Variants in CD99L2 observed in about 807,000 individuals in gnomAD.
CD99L2 encodes the protein CD99 molecule like 2.
CD99L2 carries 24 observed loss-of-function variants against 27.3 expected under a neutral mutation model. That is an observed-to-expected ratio of 0.88 (90% CI 0.64 to 1.24). CD99L2 has a LOEUF of 1.24. CD99L2 is among the 50% of genes most tolerant of loss of function. CD99L2 has a pLI of 0.00. For missense variants in CD99L2, 255 were observed against 221.6 expected (o/e 1.15, Z -0.96); for synonymous variants, 97 against 87.9 (o/e 1.10, Z -0.58).
chrX:150,769,040 C>A lies in CD99L2; in HGVS notation c.783G>T (p.Arg261=). Residue 261 remains arginine (R), a synonymous_variant, in exon 11 of 11, where the codon CGG becomes CGT. Transcript: ENST00000370377. ...CTGCAGCTGGACAGGGCCCTCAGAT[C>A]CGGGCTGGTTCGGGCGGCGGCGGCG... ...AEPPPPPEPA[R]I The A allele has an allele frequency of 8.7e-7, 1 of 1,151,132 alleles. No individual in the cohort carries two copies. Among genetic ancestry groups the A allele is most frequent in the Non-Finnish European group, 1.1e-6 (1 of 874,129 alleles). 94.9% of individuals were successfully genotyped at this position (1,151,132 alleles called of 1,213,427 possible).
chrX:150,802,757 A>G (rs1422382544), intron 4 of CD99L2, among the ~76,000 whole-genome samples: 1 of 98,392 alleles, frequency 1.0e-5, no homozygotes, highest in African/African-American at 3.7e-5. Flanking sequence ...AATTTTTTGT[A>G]TTTTTAGTAG....
chrX:150,844,682 C>T (rs1413225754), intron 1 of CD99L2, among the ~76,000 whole-genome samples: 3 of 112,248 alleles, frequency 2.7e-5, no homozygotes, highest in Non-Finnish European at 5.6e-5. Flanking sequence ...ATTCTGATTA[C>T]TAAATGGATT....
chrX:150,806,961 A>G (rs1166129556), intron 4 of CD99L2, among the ~76,000 whole-genome samples: 4 of 111,684 alleles, frequency 3.6e-5, no homozygotes, highest in Admixed American at 9.5e-5. Context: ...TTTCCAGAGA[A>G]CTAAAGCTTG....
chrX:150,791,487 G>A lies in CD99L2; in HGVS notation c.496+2204C>T, dbSNP rs782189151. On this transcript the variant is annotated intron_variant, in intron 7 of 10. Coordinates refer to ENST00000370377, the MANE Select transcript of CD99L2 (RefSeq NM_031462.4). ...GAGAAAGGGCCCAGGAGGAAAGAATGTTAAGGAGAAGGTGATCATCAAAGT... is the reference window on the plus strand; with the variant it reads ...GAGAAAGGGCCCAGGAGGAAAGAATATTAAGGAGAAGGTGATCATCAAAGT... 2.7e-5 allele frequency among the ~76,000 whole-genome samples: 3 copies of A among 111,364 alleles called. No homozygotes were observed. The South Asian group carries it at 1.2e-3, about 43-fold the overall frequency.
chrX:150,853,975 A>G (rs1557421670), intron 1 of CD99L2, among the ~76,000 whole-genome samples: 1 of 111,968 alleles, frequency 8.9e-6, no homozygotes, highest in South Asian at 3.8e-4. Context: ...GAGAATGGCT[A>G]ATGAGCTATG....
At chrX:150,771,200 G>A (rs1454669584) in intron 9 of CD99L2, among the ~76,000 whole-genome samples, 2 of 112,439 alleles carry the variant, frequency 1.8e-5, no homozygotes, top group East Asian at 5.6e-4. Flanking sequence ...CGACCGACCA[G>A]GCACCAGTGC....
At chrX:150,861,905 CAAA>C (rs1344952307) in intron 1 of CD99L2, among the ~76,000 whole-genome samples, 1 of 82,767 alleles carries the variant, frequency 1.2e-5, no homozygotes, top group Non-Finnish European at 2.4e-5. Context: ...GACTCTTTCT[CAAA>C]AAAAAAAAAA....
chrX:150,779,340 A>G (rs1441443629), intron 7 of CD99L2, among the ~76,000 whole-genome samples: 2 of 112,168 alleles, frequency 1.8e-5, no homozygotes, highest in Admixed American at 1.9e-4. Flanking sequence ...CTGTCCTAAA[A>G]AGATGACAAA....
chrX:150,769,266 G>C (rs1182772922), intron 10 of CD99L2, among the ~76,000 whole-genome samples, 165 bp from the exon 11 acceptor site: 1 of 112,239 alleles, frequency 8.9e-6, no homozygotes, highest in Non-Finnish European at 1.9e-5. Flanking sequence ...TTTTGGGCCG[G>C]TCAAGGGGAG....
intron 4 of CD99L2, among the ~76,000 whole-genome samples, chrX:150,802,989 G>A (rs1042122416): frequency 4.1e-5 from 4 of 96,805 alleles, no homozygotes; most frequent in Non-Finnish European, 6.1e-5. Context: ...TCCACCTCCC[G>A]GGTTCAAGCA....
At chrX:150,811,075 C>T (rs1557420347) in intron 4 of CD99L2, among the ~76,000 whole-genome samples, 2 of 111,578 alleles carry the variant, frequency 1.8e-5, no homozygotes, top group African/African-American at 3.3e-5. Context: ...TGAAACTCAC[C>T]AATAAAAACA....
intron 7 of CD99L2, among the ~76,000 whole-genome samples, chrX:150,792,674 C>T (rs1194871675): frequency 3.6e-5 from 4 of 111,962 alleles, no homozygotes; most frequent in African/African-American, 6.5e-5. Flanking sequence ...CACTTATAAC[C>T]GGGTGTAACA....
In CD99L2 at chrX:150,835,403, G is replaced by A. The variant is rs782683614; in HGVS notation, c.68-4110C>T. ...TTATTAGCCCGGCATGGTGGTGCAC[G>A]CCTGTAGTCCCAATTACTTGGAAGG... On this transcript the variant is annotated intron_variant, in intron 1 of 10. Coordinates refer to ENST00000370377, the MANE Select transcript of CD99L2 (RefSeq NM_031462.4). Among the ~76,000 whole-genome samples the A allele has an allele frequency of 6.3e-5, 7 of 111,663 alleles. No homozygotes were observed. In the East Asian group the frequency reaches 1.1e-3, roughly 18 times the overall value.
intron 1 of CD99L2, among the ~76,000 whole-genome samples, chrX:150,882,383 T>C (rs1229019337): frequency 2.7e-5 from 3 of 112,442 alleles, no homozygotes; most frequent in Non-Finnish European, 5.6e-5. Context: ...TTTAATGAAA[T>C]GTCATTTATA....
At chrX:150,821,332 T>C (rs1196861242) in intron 2 of CD99L2, among the ~76,000 whole-genome samples, 2 of 112,365 alleles carry the variant, frequency 1.8e-5, no homozygotes, top group South Asian at 3.7e-4. Context: ...ATCAATGTTA[T>C]AGGATTGAGA....
At chrX:150,853,915 G>A (rs2046830665) in intron 1 of CD99L2, among the ~76,000 whole-genome samples, 1 of 112,068 alleles carries the variant, frequency 8.9e-6, no homozygotes, top group Non-Finnish European at 1.9e-5. Flanking sequence ...ATGCCTGAGA[G>A]ATGTTCCAGT....
chrX:150,878,319 C>T (rs1303401835), intron 1 of CD99L2, among the ~76,000 whole-genome samples: 1 of 102,171 alleles, frequency 9.8e-6, no homozygotes, highest in Non-Finnish European at 2.0e-5. Context: ...GCCTGGGCAA[C>T]AAGGGCAAAA....
intron 2 of CD99L2, among the ~76,000 whole-genome samples, chrX:150,824,375 AAGAAGAAAGAAG>A (rs1173477197): frequency 4.6e-4 from 44 of 94,625 alleles, no homozygotes; most frequent in Middle Eastern, 0.012. Context: ...GAAGAAGAAG[AAGAAGAAAGAAG>A]AAGAAGAAGA....
At chrX:150,882,126 A>G (rs551255803) in intron 1 of CD99L2, among the ~76,000 whole-genome samples, 1 of 110,647 alleles carries the variant, frequency 9.0e-6, no homozygotes, top group African/African-American at 3.3e-5. Context: ...TACTCTTTCC[A>G]ATCTTAACTC....
Sources: allele counts gnomAD v4.1 joint callset (sites outside exome capture counted in the v4.1 genomes callset), GRCh38; gene constraint gnomAD v4.1.1; transcripts MANE v1.5; gene names NCBI Gene and HGNC (gene_info 2026-07-23, HGNC 2026-07-21).